Variants in HMX1 observed in about 807,000 individuals in gnomAD.
HMX1 encodes homeobox protein HMX1.
In HMX1, 8 loss-of-function variants were observed where a neutral mutation model predicts 8.9. The ratio of observed to expected loss-of-function variants is 0.90; its 90% CI spans 0.53 to 1.63. HMX1 has a LOEUF of 1.63. Among genes scored for constraint, HMX1 ranks in the 40% most tolerant of loss-of-function variants. HMX1 has a pLI of 0.00. For missense variants in HMX1, 621 were observed against 558.5 expected, an observed-to-expected ratio of 1.11 and a Z score of -1.13; for synonymous variants, 311 against 283.4, an observed-to-expected ratio of 1.10 and a Z score of -0.98.
chr4:8,868,341 G>T lies in HMX1; in HGVS notation c.399C>A (p.Ser133Arg), dbSNP rs771660273. ...CGCCCGTCTCCGGTGAGTCCCGGTC[G>T]CTGGCTGCAGGGGAGAGAGGGCACC... is the stretch of plus-strand genomic sequence containing the variant. ...GYGGGLSPDT[S>R]DRDSPETGEE... is the part of the protein sequence containing the mutation. The change falls in exon 2 of 2, where the codon AGC becomes AGA. Residue 133 changes from serine to arginine, a missense_variant. By Grantham distance (110) the Ser-to-Arg change is moderately radical. Coordinates refer to ENST00000400677, the MANE Select transcript of HMX1 (RefSeq NM_018942.3). The surrounding 1 kb of genome is among the most constrained non-coding windows in gnomAD (Gnocchi z 4.6). 2.7e-5 allele frequency: 37 copies of T among 1,377,812 alleles called. No individual in the cohort carries two copies. Among genetic ancestry groups the T allele is most frequent in the Non-Finnish European group, 3.4e-5 (36 of 1,074,602 alleles). 85.3% of individuals were successfully genotyped at this position (1,377,812 alleles called of 1,614,324 possible). A position where few individuals can be genotyped will look rare whatever the true frequency, so the allele number is the denominator to read the frequency against.
downstream of HMX1, among the ~76,000 whole-genome samples, chr4:8,863,650 C>CA (rs1279799413): frequency 6.6e-6 from 1 of 152,252 alleles, no homozygotes; most frequent in African/African-American, 2.4e-5. Flanking sequence ...TCCACACCTC[C>CA]AAGGGCACTG....
intron 1 of HMX1, among the ~76,000 whole-genome samples, chr4:8,855,654 G>T (rs567753971): frequency 6.6e-6 from 1 of 152,326 alleles, no homozygotes; most frequent in South Asian, 2.1e-4. Flanking sequence ...GCAGCCCAGG[G>T]ATGTGGCCAG....
chr4:8,862,240 T>C (rs148557279), downstream of HMX1, among the ~76,000 whole-genome samples: 583 of 152,278 alleles, frequency 3.8e-3, 9 homozygotes, highest in East Asian at 0.029. Context: ...TAGAAAAAAA[T>C]TTAAAAGCAG....
chr4:8,869,329 C>T (rs1279259300), intron 1 of HMX1, among the ~76,000 whole-genome samples: 2 of 152,240 alleles, frequency 1.3e-5, no homozygotes, highest in Non-Finnish European at 2.9e-5. Flanking sequence ...GGGCAGCAGC[C>T]TCCCACTGCA....
intron 1 of HMX1, among the ~76,000 whole-genome samples, chr4:8,857,592 C>A (rs1298651977): frequency 2.0e-5 from 3 of 152,198 alleles, no homozygotes; most frequent in Admixed American, 2.0e-4. Context: ...GCCCCCCTGC[C>A]TGTGGAACCC....
chr4:8,846,462 A>AGAGTC, intron 1 of HMX1: 1 of 628,748 alleles, frequency 1.6e-6, no homozygotes, highest in Non-Finnish European at 2.7e-6. Flanking sequence ...AACTACAGGG[A>AGAGTC]CCTAGGACTC....
In HMX1 at chr4:8,871,129, C is replaced by A. The variant is rs1294018817; in HGVS notation, c.394+92G>T. ...ACAGAAGGGAGAGGATGGCCCAGAA[C>A]GGGCGGCGACGAGCCCGAAGTCCCC... On this transcript the variant is annotated intron_variant, in intron 1 of 1. Transcript: ENST00000400677. The surrounding 1 kb of genome is among the most constrained non-coding windows in gnomAD (Gnocchi z 4.8). The A allele has an allele frequency of 1.6e-6, 2 of 1,212,728 alleles. No homozygotes were observed. The highest frequency in any genetic ancestry group is 1.6e-5 in the African/African-American group (1 of 61,206). The allele number at this position is 1,212,728 out of a possible 1,614,324, so 75.1% of individuals were successfully genotyped here.
In HMX1 at chr4:8,871,309, GGGACCGGGGGGCGGCCGA is replaced by G. The variant is rs1490679886; in HGVS notation, c.288_305del (p.Arg97_Pro102del). ...CGCAGCCCAGAGCGAAGGGCGGCCCGGGACCGGGGGGCGGCCGAGGACCGAGGCCCAGCGCGCCCGGCC... is the reference window on the plus strand; with the variant it reads ...CGCAGCCCAGAGCGAAGGGCGGCCCGGGACCGAGGCCCAGCGCGCCCGGCC... On this transcript the variant is annotated inframe_deletion, in exon 1 of 2. Coordinates refer to ENST00000400677, the MANE Select transcript of HMX1 (RefSeq NM_018942.3). This position sits in a 1 kb window ranked among gnomAD's most constrained non-coding sequence, Gnocchi z 4.8. 7.2e-7 allele frequency: 1 copy of G among 1,395,504 alleles called. No homozygotes were observed. Among genetic ancestry groups the G allele is most frequent in the East Asian group, 3.1e-5 (1 of 32,050 alleles). The allele number at this position is 1,395,504 out of a possible 1,614,324, so 86.4% of individuals were successfully genotyped here.
downstream of HMX1, among the ~76,000 whole-genome samples, chr4:8,864,040 C>T (rs545463598): frequency 1.1e-4 from 17 of 152,316 alleles, no homozygotes; most frequent in East Asian, 3.3e-3. Flanking sequence ...CTCAGGCCAG[C>T]TCCAGTGGGG....
chr4:8,859,560 G>C (rs1423147764), intron 1 of HMX1, among the ~76,000 whole-genome samples: 4 of 152,166 alleles, frequency 2.6e-5, no homozygotes, highest in African/African-American at 9.7e-5. Context: ...AGGAAGTGGG[G>C]AGGGTGCGAG....
At chr4:8,857,323 C>G (rs1321730663) in intron 1 of HMX1, among the ~76,000 whole-genome samples, 1 of 152,168 alleles carries the variant, frequency 6.6e-6, no homozygotes, top group African/African-American at 2.4e-5. Context: ...CCTGGAGGGT[C>G]GGGCGGCGGC....
chr4:8,860,883 T>C (rs1018967628), intron 1 of HMX1: 1 of 146,026 alleles, frequency 6.8e-6, no homozygotes, highest in African/African-American at 2.6e-5. Flanking sequence ...AGTGGCGAGG[T>C]GAGAACTGAG....
downstream of HMX1, among the ~76,000 whole-genome samples, chr4:8,866,839 C>A (rs1320905931): frequency 6.6e-6 from 1 of 152,224 alleles, no homozygotes; most frequent in East Asian, 1.9e-4. Context: ...CCTCCCTACT[C>A]CCGGCTCCTG....
At chr4:8,865,966 C>T (rs1721983139), downstream of HMX1, among the ~76,000 whole-genome samples, 1 of 152,310 alleles carries the variant, frequency 6.6e-6, no homozygotes, top group Non-Finnish European at 1.5e-5. Context: ...TGCTGCAAGG[C>T]CAAGGATGGC....
chr4:8,862,627 A>T (rs1721866097), downstream of HMX1, among the ~76,000 whole-genome samples: 1 of 152,262 alleles, frequency 6.6e-6, no homozygotes, highest in South Asian at 2.1e-4. Flanking sequence ...ATACGGCTTA[A>T]GTTACAATTC....
rs958693202 is a variant in HMX1, at chr4:8,871,130, G to A, written c.394+91C>T. The A allele has an allele frequency of 6.2e-5, 75 of 1,214,758 alleles. No individual in the cohort carries two copies. The highest frequency in any genetic ancestry group is 7.7e-5 in the Non-Finnish European group (74 of 956,870). The allele number at this position is 1,214,758 out of a possible 1,614,324, so 75.2% of individuals were successfully genotyped here. A position where few individuals can be genotyped will look rare whatever the true frequency, so the allele number is the denominator to read the frequency against. On this transcript the variant is annotated intron_variant, in intron 1 of 1. Coordinates refer to ENST00000400677, the MANE Select transcript of HMX1 (RefSeq NM_018942.3). This position sits in a 1 kb window ranked among gnomAD's most constrained non-coding sequence, Gnocchi z 4.8. ...CAGAAGGGAGAGGATGGCCCAGAAC[G>A]GGCGGCGACGAGCCCGAAGTCCCCC...
intron 1 of HMX1, among the ~76,000 whole-genome samples, chr4:8,857,742 G>A (rs1721660016): frequency 6.6e-6 from 1 of 152,180 alleles, no homozygotes; most frequent in Non-Finnish European, 1.5e-5. Context: ...TGTCTAAATC[G>A]TGCATTTTAC....
rs1721339723 is a variant in HMX1, at chr4:8,848,434, G to C, written c.395-2110C>G. 6.6e-6 allele frequency among the ~76,000 whole-genome samples: 1 copy of C among 152,236 alleles called. No homozygotes were observed. The highest frequency in any genetic ancestry group is 6.5e-5 in the Admixed American group (1 of 15,278). On this transcript the variant is annotated intron_variant, in intron 1 of 1. Coordinates refer to the HMX1 transcript ENST00000506970. The surrounding 1 kb of genome is among the most constrained non-coding windows in gnomAD (Gnocchi z 4.1). Reference sequence around the variant, plus strand: ...TATTTTGATAAAATGGAAATAAAGAGTTTGCGGAAATTTTATGATTGTTTT... The same window carrying C: ...TATTTTGATAAAATGGAAATAAAGACTTTGCGGAAATTTTATGATTGTTTT...
intron 1 of HMX1, chr4:8,860,972 CG>C (rs1242566693): frequency 1.3e-4 from 3 of 23,994 alleles, no homozygotes; most frequent in African/African-American, 3.6e-4. Flanking sequence ...GGGGCGAGGG[CG>C]GGGGAGGGGG....
Sources: allele counts gnomAD v4.1 joint callset (sites outside exome capture counted in the v4.1 genomes callset), GRCh38; gene constraint gnomAD v4.1.1; non-coding constraint Gnocchi (gnomAD v3.1); transcripts MANE v1.5; gene names NCBI Gene and HGNC (gene_info 2026-07-23, HGNC 2026-07-21).